SGSM1: variants seen among roughly 807,000 people sequenced by gnomAD.
SGSM1 encodes small G protein signaling modulator 1.
A neutral mutation model predicts 133.8 loss-of-function variants in SGSM1; 73 were observed. The ratio of observed to expected loss-of-function variants is 0.55; its 90% CI spans 0.45 to 0.66. The LOEUF (loss-of-function observed/expected upper bound fraction) is 0.66, where lower values mean the gene tolerates loss of function less well. SGSM1 is among the 30% of genes least tolerant of loss of function. The pLI is 0.00. For synonymous variants in SGSM1, 563 were observed against 573.0 expected (o/e 0.98, Z 0.25); for missense variants, 1,213 against 1,448.1 (o/e 0.84, Z 2.64).
chr22:24,830,045 G>A (rs1214036342), intron 2 of SGSM1, among the ~76,000 whole-genome samples: 2 of 111,020 alleles, frequency 1.8e-5, no homozygotes, highest in Non-Finnish European at 3.8e-5. Flanking sequence ...GCCCCGGGAT[G>A]GGTTCGGAGG....
At chr22:24,893,656 G>A in intron 17 of SGSM1, 43 bp downstream of exon 17, 1 of 1,503,722 alleles carries the variant, frequency 6.7e-7, no homozygotes, top group South Asian at 1.3e-5. Flanking sequence ...GCTGGGGAAG[G>A]TCAGGGTCTG....
At chr22:24,815,977 T>A (rs973641689) in intron 2 of SGSM1, among the ~76,000 whole-genome samples, 4 of 152,198 alleles carry the variant, frequency 2.6e-5, no homozygotes, top group African/African-American at 9.7e-5. Flanking sequence ...TTTCTATGTA[T>A]ATTCAAAAGA....
chr22:24,833,286 A>G (rs576559224), intron 2 of SGSM1, among the ~76,000 whole-genome samples: 10 of 152,094 alleles, frequency 6.6e-5, no homozygotes, highest in Middle Eastern at 6.8e-3. Context: ...GACCCACCCT[A>G]ATGACCTCAT....
chr22:24,882,157 C>G (rs1403150452), intron 14 of SGSM1, among the ~76,000 whole-genome samples: 1 of 152,148 alleles, frequency 6.6e-6, no homozygotes, highest in African/African-American at 2.4e-5. Context: ...CCCTCTACCT[C>G]CCTGGCTGAA....
At chr22:24,831,463 A>G (rs1484971363) in intron 2 of SGSM1, among the ~76,000 whole-genome samples, 1 of 152,092 alleles carries the variant, frequency 6.6e-6, no homozygotes, top group African/African-American at 2.4e-5. Flanking sequence ...CTGGATACCT[A>G]AGGCAATGTC....
intron 2 of SGSM1, among the ~76,000 whole-genome samples, chr22:24,827,904 C>T (rs1601897002): frequency 6.6e-6 from 1 of 152,088 alleles, no homozygotes; most frequent in East Asian, 1.9e-4. Flanking sequence ...TTTGCTGGTT[C>T]CAAAAGGAAT....
intron 11 of SGSM1, 84 bp downstream of exon 11, chr22:24,868,623 G>T: frequency 1.2e-6 from 2 of 1,610,458 alleles, no homozygotes; most frequent in Non-Finnish European, 1.7e-6. Flanking sequence ...CCCTTATGTG[G>T]CTATGTGGCC....
At chr22:24,866,244 C>T (rs143237723) in intron 9 of SGSM1, among the ~76,000 whole-genome samples, 1,797 of 152,308 alleles carry the variant, frequency 0.012, 18 homozygotes, top group African/African-American at 0.041. Context: ...GTGTTGAGCC[C>T]TTCAAATACT....
At chr22:24,886,553 C>T in intron 15 of SGSM1, 47 bp from the exon 16 acceptor site, 1 of 1,541,404 alleles carries the variant, frequency 6.5e-7, no homozygotes, top group Non-Finnish European at 8.8e-7. Context: ...AAACCACCCC[C>T]TGGTTTTCTG....
rs193087576 is a variant in SGSM1 at position 24,894,159 on chromosome 22, T to A, written c.1953+546T>A. Among the ~76,000 whole-genome samples, 458 of 152,280 alleles carry A rather than the reference T, an allele frequency of 3.0e-3. 3 individuals are homozygous for A. The highest frequency in any genetic ancestry group is 0.01 in the African/African-American group (422 of 41,558). Reference sequence around the variant, plus strand: ...TGGCTCACGCCTGTAATCCCAGTACTTTGGGAGGCCAAGGCGGGTGGATCA... The same window carrying A: ...TGGCTCACGCCTGTAATCCCAGTACATTGGGAGGCCAAGGCGGGTGGATCA... On this transcript the variant is annotated intron_variant, in intron 17 of 24. Coordinates refer to ENST00000400358, the MANE Select transcript of SGSM1 (RefSeq NM_001098497.3).
intron 9 of SGSM1, among the ~76,000 whole-genome samples, chr22:24,861,651 G>A (rs1253048894): frequency 2.0e-5 from 3 of 149,960 alleles, no homozygotes; most frequent in South Asian, 2.1e-4. Flanking sequence ...GGGTTCAAGC[G>A]ATCCTCCCAC....
chr22:24,817,905 G>T (rs1295101567), intron 2 of SGSM1, among the ~76,000 whole-genome samples: 1 of 152,150 alleles, frequency 6.6e-6, no homozygotes, highest in Admixed American at 6.5e-5. Context: ...TGGCAGAAAG[G>T]GGGTGAGAGG....
At chr22:24,807,433 G>A (rs1412282504) in intron 2 of SGSM1, among the ~76,000 whole-genome samples, 2 of 152,100 alleles carry the variant, frequency 1.3e-5, no homozygotes, top group African/African-American at 4.8e-5. Flanking sequence ...TGTATATTGT[G>A]TGGTGCATGA....
intron 24 of SGSM1, among the ~76,000 whole-genome samples, chr22:24,922,241 A>C (rs1301153034): frequency 7.9e-6 from 1 of 126,056 alleles, no homozygotes; most frequent in Non-Finnish European, 1.6e-5. Context: ...GGAGTGCAGT[A>C]GCCAATCCAG....
chr22:24,830,877 C>T (rs947549207), intron 2 of SGSM1, among the ~76,000 whole-genome samples: 1 of 152,118 alleles, frequency 6.6e-6, no homozygotes, highest in Non-Finnish European at 1.5e-5. Context: ...TACTGCATAG[C>T]ACTTTCTCTG....
intron 2 of SGSM1, among the ~76,000 whole-genome samples, chr22:24,822,758 T>C (rs897335026): frequency 1.3e-5 from 2 of 152,266 alleles, no homozygotes; most frequent in African/African-American, 4.8e-5. Flanking sequence ...GCAGGTGCAT[T>C]GGTTGCTCTG....
intron 19 of SGSM1, among the ~76,000 whole-genome samples, chr22:24,901,462 T>C (rs1333409773): frequency 6.6e-6 from 1 of 152,192 alleles, no homozygotes; most frequent in Non-Finnish European, 1.5e-5. Context: ...CTTAAATATT[T>C]CTTATTTTCT....
At chr22:24,819,858 A>G (rs1318075897) in intron 2 of SGSM1, among the ~76,000 whole-genome samples, 1 of 152,186 alleles carries the variant, frequency 6.6e-6, no homozygotes, top group Non-Finnish European at 1.5e-5. Flanking sequence ...GTTTTAAGCA[A>G]TAATTTGGGA....
At chr22:24,860,364 C>A (rs1399396850) in intron 9 of SGSM1, among the ~76,000 whole-genome samples, 1 of 152,114 alleles carries the variant, frequency 6.6e-6, no homozygotes, top group Non-Finnish European at 1.5e-5. Context: ...TTAGGAGGAA[C>A]AAAGAAAGCC....
Sources: allele counts gnomAD v4.1 joint callset (sites outside exome capture counted in the v4.1 genomes callset), GRCh38; gene constraint gnomAD v4.1.1; transcripts MANE v1.5; gene names NCBI Gene and HGNC (gene_info 2026-07-23, HGNC 2026-07-21).